The following RPS6KA2 variants were observed in gnomAD, a reference collection of about 807,000 sequenced individuals.
RPS6KA2 encodes the protein ribosomal protein S6 kinase A2.
Under a neutral mutation model 91.8 loss-of-function variants are expected in RPS6KA2, and 42 were observed. The ratio of observed to expected loss-of-function variants is 0.46; its 90% CI spans 0.36 to 0.59. RPS6KA2 has a LOEUF of 0.59. Ranked by LOEUF, RPS6KA2 falls within the 20% of genes least tolerant of loss-of-function variation. The pLI is 0.00. For missense variants in RPS6KA2, 798 were observed against 978.5 expected (o/e 0.82, Z 2.46); for synonymous variants, 414 against 393.6 (o/e 1.05, Z -0.61).
At chr6:166,512,035 C>G (rs1387310236) in intron 3 of RPS6KA2, among the ~76,000 whole-genome samples, 1 of 152,202 alleles carries the variant, frequency 6.6e-6, no homozygotes, top group Non-Finnish European at 1.5e-5. Context: ...AAGGAGGAAG[C>G]AACCCAAGTG....
At chr6:166,596,791 C>T (rs1307014579) in intron 1 of RPS6KA2, among the ~76,000 whole-genome samples, 2 of 152,192 alleles carry the variant, frequency 1.3e-5, no homozygotes, top group African/African-American at 4.8e-5. Context: ...CTCTACAGAA[C>T]CCTGACTAAT....
intron 5 of RPS6KA2, among the ~76,000 whole-genome samples, chr6:166,506,695 G>A (rs1208151972): frequency 1.3e-5 from 2 of 152,140 alleles, no homozygotes; most frequent in African/African-American, 2.4e-5. Context: ...GACCCTTTGC[G>A]CCCGATTCAG....
At chr6:166,643,457 T>C (rs918185149) in intron 2 of RPS6KA2, among the ~76,000 whole-genome samples, 6 of 152,234 alleles carry the variant, frequency 3.9e-5, no homozygotes, top group Non-Finnish European at 7.3e-5. Flanking sequence ...CAAGCATTCA[T>C]AGATATAGAA....
intron 5 of RPS6KA2, among the ~76,000 whole-genome samples, chr6:166,507,105 C>T (rs1025406288): frequency 6.6e-6 from 1 of 152,012 alleles, no homozygotes; most frequent in Non-Finnish European, 1.5e-5. Context: ...CCGATGCTCC[C>T]GAACAGCCCC....
chr6:166,658,598 C>G (rs1429479254), intron 2 of RPS6KA2, among the ~76,000 whole-genome samples: 1 of 152,162 alleles, frequency 6.6e-6, no homozygotes, highest in African/African-American at 2.4e-5. Context: ...TCTTCCATGT[C>G]AGGATGTACC....
intron 8 of RPS6KA2, among the ~76,000 whole-genome samples, chr6:166,496,462 G>A (rs943874185): frequency 1.3e-5 from 2 of 152,090 alleles, no homozygotes; most frequent in Non-Finnish European, 2.9e-5. Flanking sequence ...AGAAACAGAA[G>A]ACTATCAAAT....
intron 3 of RPS6KA2, among the ~76,000 whole-genome samples, chr6:166,510,908 C>T (rs996773273): frequency 1.3e-5 from 2 of 151,972 alleles, no homozygotes; most frequent in Admixed American, 6.6e-5. Context: ...TGTATTTTTT[C>T]GTGGACTTTT....
intron 2 of RPS6KA2, among the ~76,000 whole-genome samples, chr6:166,810,394 A>T (rs1049257883): frequency 1.3e-5 from 2 of 152,198 alleles, no homozygotes; most frequent in African/African-American, 4.8e-5. Flanking sequence ...ATCTGAGCCC[A>T]CGAGGATATT....
intron 2 of RPS6KA2, among the ~76,000 whole-genome samples, chr6:166,812,422 C>G (rs1204753877): frequency 6.6e-6 from 1 of 152,198 alleles, no homozygotes; most frequent in Non-Finnish European, 1.5e-5. Flanking sequence ...TGCCCTCCTC[C>G]CACAGCCCCC....
In RPS6KA2 at chr6:166,603,988, C is replaced by T. The variant is rs183937415; in HGVS notation, c.99+22933G>A. On this transcript the variant is annotated intron_variant, in intron 1 of 20. Transcript: ENST00000265678. The surrounding 1 kb of genome is among the most constrained non-coding windows in gnomAD (Gnocchi z 4.3). ...CCTAACGTGTCCCTCCTAGAAGTCA[C>T]GAAGAGAAAAGGGCGAGACTATGAA... Among the ~76,000 whole-genome samples the T allele has an allele frequency of 9.2e-5, 14 of 151,946 alleles. No individual in the cohort carries two copies. Among genetic ancestry groups the T allele is most frequent in the Admixed American group, 6.6e-5 (1 of 15,264 alleles).
rs771841445 is a variant in RPS6KA2 at position 166,603,374 on chromosome 6, C to G, written c.99+23547G>C. On this transcript the variant is annotated intron_variant, in intron 1 of 20. Coordinates refer to ENST00000265678, the MANE Select transcript of RPS6KA2 (RefSeq NM_021135.6). This position sits in a 1 kb window ranked among gnomAD's most constrained non-coding sequence, Gnocchi z 4.3. ...AGGAACTCAGCGCAGCCTCAGAGTG[C>G]GTGGGGTGGGGCAGAGCTCTGGGAG... Among the ~76,000 whole-genome samples, 1 of 152,118 alleles carries G rather than the reference C, an allele frequency of 6.6e-6. No homozygotes were observed. The highest frequency in any genetic ancestry group is 2.4e-5 in the African/African-American group (1 of 41,410).
chr6:166,680,289 A>G (rs1583013193), intron 2 of RPS6KA2, among the ~76,000 whole-genome samples: 1 of 152,230 alleles, frequency 6.6e-6, no homozygotes, highest in African/African-American at 2.4e-5. Context: ...GCACTCTGTC[A>G]AAACTGACCA....
At position 166,777,452 on chromosome 6, in the gene RPS6KA2, G is replaced by A. The variant is rs543920098; in HGVS notation, c.123+80748C>T. Among the ~76,000 whole-genome samples, 238 of 152,218 alleles carry A rather than the reference G, an allele frequency of 1.6e-3. 1 individual carries two copies. Among genetic ancestry groups the A allele is most frequent in the African/African-American group, 5.2e-3 (215 of 41,530 alleles). On this transcript the variant is annotated intron_variant, in intron 2 of 21. Coordinates refer to the RPS6KA2 transcript ENST00000503859. ...AGCACAGAGAGAGGAAGTGGCCTCC[G>A]AGTGCACGCACAGCCAGGAGCCCCA...
intron 1 of RPS6KA2, among the ~76,000 whole-genome samples, chr6:166,561,000 A>T (rs1191546848): frequency 1.3e-5 from 2 of 151,684 alleles, no homozygotes; most frequent in African/African-American, 4.8e-5. Flanking sequence ...CCACACCCCT[A>T]CTAAATAAAG....
chr6:166,723,067 A>G (rs1403740596), intron 2 of RPS6KA2, among the ~76,000 whole-genome samples: 2 of 152,214 alleles, frequency 1.3e-5, no homozygotes, highest in Non-Finnish European at 2.9e-5. Flanking sequence ...AAGAGCCCAG[A>G]ATACTGTTGG....
intron 14 of RPS6KA2, among the ~76,000 whole-genome samples, chr6:166,441,818 A>G (rs1296154850): frequency 1.3e-5 from 2 of 152,252 alleles, no homozygotes; most frequent in Admixed American, 1.3e-4. Context: ...AGAGGTCTAC[A>G]TGAACGCAGA....
intron 1 of RPS6KA2, among the ~76,000 whole-genome samples, chr6:166,601,920 T>C (rs4710073): frequency 1 from 151,814 of 152,392 alleles, 75,619 homozygotes; most frequent in Middle Eastern, 1. Context: ...AACTTCTGTA[T>C]AAAAAAGTTT....
rs1199269545 is a variant in RPS6KA2 at position 166,419,109 on chromosome 6, T to C, written c.1821-767A>G. On this transcript the variant is annotated intron_variant, in intron 18 of 20. Transcript: ENST00000265678. The surrounding 1 kb of genome is among the most constrained non-coding windows in gnomAD (Gnocchi z 5.6). ...GTGGACACTACCTGTTGACTTATGA[T>C]GAAATAAGTGAAAAGCAGGCCAAGC... Among the ~76,000 whole-genome samples the C allele has an allele frequency of 6.6e-6, 1 of 152,198 alleles. No homozygotes were observed. Among genetic ancestry groups the C allele is most frequent in the Non-Finnish European group, 1.5e-5 (1 of 68,034 alleles).
In RPS6KA2 at chr6:166,825,136, C is replaced by T. The variant is rs1439960452; in HGVS notation, c.123+33064G>A. Among the ~76,000 whole-genome samples the T allele has an allele frequency of 6.6e-6, 1 of 152,218 alleles. No individual in the cohort carries two copies. Among genetic ancestry groups the T allele is most frequent in the Non-Finnish European group, 1.5e-5 (1 of 68,046 alleles). ...CTTTTACAAATGTCGCTTTCATGAT[C>T]AGGAATCCATTTCAAAGCCAGAGCA... On this transcript the variant is annotated intron_variant, in intron 2 of 21. Coordinates refer to the RPS6KA2 transcript ENST00000503859. This position sits in a 1 kb window ranked among gnomAD's most constrained non-coding sequence, Gnocchi z 4.1.
Sources: allele counts gnomAD v4.1 joint callset (sites outside exome capture counted in the v4.1 genomes callset), GRCh38; gene constraint gnomAD v4.1.1; non-coding constraint Gnocchi (gnomAD v3.1); transcripts MANE v1.5; gene names NCBI Gene and HGNC (gene_info 2026-07-23, HGNC 2026-07-21).